The following NCAPD3 variants were observed in gnomAD, a reference collection of about 807,000 sequenced individuals.
NCAPD3 encodes the protein non-SMC condensin II complex subunit D3.
In NCAPD3, 105 loss-of-function variants were observed where a neutral mutation model predicts 182.9. The observed-to-expected ratio is 0.57, with a 90% CI of 0.49 to 0.68. NCAPD3 has a LOEUF of 0.68. Among genes scored for constraint, NCAPD3 ranks in the 30% least tolerant of loss-of-function variants. NCAPD3 has a pLI of 0.00. For missense variants in NCAPD3, 1,944 were observed against 1,837.0 expected (o/e 1.06, Z -1.07); for synonymous variants, 815 against 679.9 (o/e 1.20, Z -3.09).
chr11:134,159,753 C>G, intron 29 of NCAPD3, 139 bp downstream of exon 29: 2 of 876,254 alleles, frequency 2.3e-6, no homozygotes, highest in South Asian at 3.6e-5. Context: ...AGGGAGTGGC[C>G]AACAAGCAGC....
chr11:134,183,238 T>C, intron 19 of NCAPD3: 1 of 448,004 alleles, frequency 2.2e-6, no homozygotes, highest in Admixed American at 2.4e-5. Flanking sequence ...CCACTGAGCC[T>C]GGAAGGCTTG....
In NCAPD3 at chr11:134,192,700, G is replaced by T; in HGVS notation, c.2034C>A (p.Ser678Arg). Residue 678 changes from serine to arginine, a missense_variant, in exon 16 of 35, where the codon AGC becomes AGA. Physicochemically the swap from Ser to Arg is moderately radical, Grantham distance 110. This residue lies in a region of NCAPD3 where 1,803 missense variants were observed against 1,674.6 expected (regional missense o/e 1.08). Coordinates refer to ENST00000534548, the MANE Select transcript of NCAPD3 (RefSeq NM_015261.3). ...TACAGTTAACCTACCTCAGTTCCTG[G>T]CTTTCGGTGGTGAGGAGAGTAAGAA... ...WALLTLLTTE[S>R]QELSRYLNKA... The T allele has an allele frequency of 6.2e-7, 1 of 1,613,784 alleles. No individual in the cohort carries two copies.
At chr11:134,157,230 A>C (rs967758134) in intron 31 of NCAPD3, 135 bp from the exon 32 acceptor site, 2 of 602,192 alleles carry the variant, frequency 3.3e-6, no homozygotes, top group Admixed American at 6.9e-5. Context: ...ATAAAGAGGC[A>C]ATTCAGGAAG....
chr11:134,168,538 A>G lies in NCAPD3; in HGVS notation c.3304T>C (p.Phe1102Leu). 1.2e-6 allele frequency: 2 copies of G among 1,614,136 alleles called. No individual in the cohort carries two copies. Among genetic ancestry groups the G allele is most frequent in the Non-Finnish European group, 1.7e-6 (2 of 1,180,008 alleles). ...TCATCTGTGAAGTGCTCTAGAAGAA[A>G]TTTGTAGATTTTCATTCGTCTCTCT... ...NKERRMKIYK[F>L]LLEHFTDEQR... Residue 1102 changes from phenylalanine (F) to leucine (L), a missense_variant, in exon 26 of 35, where the codon TTT becomes CTT. Physicochemically the swap from Phe to Leu is conservative, Grantham distance 22. This residue lies in a region of NCAPD3 where 1,803 missense variants were observed against 1,674.6 expected (regional missense o/e 1.08). Transcript: ENST00000534548.
chr11:134,166,721 ACACT>A (rs573851523), intron 27 of NCAPD3, among the ~76,000 whole-genome samples: 82 of 121,744 alleles, frequency 6.7e-4, no homozygotes, highest in East Asian at 4.6e-3. Context: ...GGAGAGCAGC[ACACT>A]CACTTGTGAG....
chr11:134,157,876 T>C (rs751200453), intron 31 of NCAPD3, 52 bp downstream of exon 31: 25 of 1,546,328 alleles, frequency 1.6e-5, no homozygotes, highest in Non-Finnish European at 2.2e-5. Context: ...GCTTGTTCTG[T>C]GTTTTCATCT....
chr11:134,197,980 A>AAT (rs1416171423), intron 13 of NCAPD3, among the ~76,000 whole-genome samples: 1 of 152,160 alleles, frequency 6.6e-6, no homozygotes, highest in Non-Finnish European at 1.5e-5. Context: ...AAAGACAAAG[A>AAT]AGTCTACTCT....
At chr11:134,199,335 T>C (rs1234058461) in intron 13 of NCAPD3, among the ~76,000 whole-genome samples, 1 of 152,206 alleles carries the variant, frequency 6.6e-6, no homozygotes, top group East Asian at 1.9e-4. Context: ...TTTATTTATA[T>C]GGGCAGTATA....
At chr11:134,200,665 G>T (rs534316466) in intron 13 of NCAPD3, among the ~76,000 whole-genome samples, 1 of 152,304 alleles carries the variant, frequency 6.6e-6, no homozygotes, top group East Asian at 1.9e-4. Context: ...AAAAAGTGTG[G>T]TGGTTCCTCA....
chr11:134,165,463 A>AG (rs879356101), intron 27 of NCAPD3, among the ~76,000 whole-genome samples: 1 of 136,420 alleles, frequency 7.3e-6, no homozygotes, highest in African/African-American at 2.8e-5. Context: ...TGGCACACTC[A>AG]TGAGATGAGC....
chr11:134,167,697 C>T (rs1409211605), intron 27 of NCAPD3, among the ~76,000 whole-genome samples: 2 of 132,676 alleles, frequency 1.5e-5, no homozygotes, highest in Admixed American at 7.7e-5. Flanking sequence ...GAGGGGCACA[C>T]TCACTAGTGA....
At chr11:134,155,663 A>G (rs1179148982) in intron 32 of NCAPD3, among the ~76,000 whole-genome samples, 1 of 152,142 alleles carries the variant, frequency 6.6e-6, no homozygotes, top group Admixed American at 6.5e-5. Context: ...GCACAACGAA[A>G]ATGAGATGCG....
intron 27 of NCAPD3, among the ~76,000 whole-genome samples, chr11:134,167,295 G>A (rs1164620044): frequency 7.3e-6 from 1 of 136,686 alleles, no homozygotes; most frequent in Non-Finnish European, 1.6e-5. Flanking sequence ...AGATGAGCTT[G>A]GGGGAGCAGC....
intron 32 of NCAPD3, 196 bp from the exon 33 acceptor site, chr11:134,153,559 C>T (rs549527455): frequency 1.5e-5 from 9 of 620,570 alleles, no homozygotes; most frequent in Admixed American, 5.3e-5. Flanking sequence ...GTCTCTCTGA[C>T]CCCCTTCTCT....
At chr11:134,205,925 C>A (rs1027249937) in intron 8 of NCAPD3, among the ~76,000 whole-genome samples, 1 of 152,180 alleles carries the variant, frequency 6.6e-6, no homozygotes, top group Non-Finnish European at 1.5e-5. Flanking sequence ...ACTGTGCACA[C>A]CCAAGGCATG....
In NCAPD3 at chr11:134,161,896, T is replaced by C. The variant is rs1943592389; in HGVS notation, c.3574-5A>G. ...TATGAAATTCCTCTTCTGAACCTGG[T>C]AACACAAACAAAGACATGTTTTAGA... On this transcript the variant is annotated splice_polypyrimidine_tract_variant and splice_region_variant and intron_variant, in intron 27 of 34. Coordinates refer to ENST00000534548, the MANE Select transcript of NCAPD3 (RefSeq NM_015261.3). 2 of 1,432,828 alleles carry C rather than the reference T, an allele frequency of 1.4e-6. No homozygotes were observed. Among genetic ancestry groups the C allele is most frequent in the African/African-American group, 1.4e-5 (1 of 69,738 alleles). 88.8% of individuals were successfully genotyped at this position (1,432,828 alleles called of 1,614,324 possible).
At chr11:134,202,994 C>T (rs1325403858) in intron 12 of NCAPD3, 89 bp from the exon 13 acceptor site, 1 of 1,218,466 alleles carries the variant, frequency 8.2e-7, no homozygotes, top group Non-Finnish European at 1.2e-6. Flanking sequence ...TAAGTTACAA[C>T]ATTATTACTG....
chr11:134,166,931 T>C (rs376935362), intron 27 of NCAPD3, among the ~76,000 whole-genome samples: 3 of 107,568 alleles, frequency 2.8e-5, no homozygotes, highest in African/African-American at 3.9e-5. Flanking sequence ...GAGATGAGCT[T>C]AGGGGAGCTG....
chr11:134,191,874 G>A (rs1442249892), intron 16 of NCAPD3, among the ~76,000 whole-genome samples: 1 of 152,198 alleles, frequency 6.6e-6, no homozygotes, highest in South Asian at 2.1e-4. Context: ...GCCGGAAGGT[G>A]ATTTTATTTT....
Sources: gnomAD v4.1 joint callset for allele counts (sites outside exome capture counted in the v4.1 genomes callset) on GRCh38, gnomAD v4.1.1 for gene constraint, gnomAD v4.1.1 regional missense constraint, MANE v1.5 for transcripts, NCBI Gene and HGNC (gene_info 2026-07-23, HGNC 2026-07-21) for gene names.